The following VPS54 variants were observed in gnomAD, a reference collection of about 807,000 sequenced individuals.
VPS54 encodes VPS54 subunit of GARP complex, also known as vacuolar protein sorting-associated protein 54.
VPS54 carries 45 observed loss-of-function variants against 121.5 expected under a neutral mutation model. The ratio of observed to expected loss-of-function variants is 0.37; its 90% CI spans 0.29 to 0.47. VPS54 has a LOEUF of 0.47. VPS54 is among the 20% of genes least tolerant of loss of function. The pLI, the probability that VPS54 is intolerant of heterozygous loss-of-function variation, is 0.99. For synonymous variants in VPS54, 371 were observed against 385.8 expected (o/e 0.96, Z 0.45); for missense variants, 1,090 against 1,131.4 (o/e 0.96, Z 0.52).
intron 20 of VPS54, among the ~76,000 whole-genome samples, chr2:63,900,220 C>CA (rs70965149): frequency 0.38 from 24,049 of 63,490 alleles, 6,819 homozygotes; most frequent in African/African-American, 0.67. Flanking sequence ...AACTCTGTCT[C>CA]AAAAAAAAAA....
intron 20 of VPS54, among the ~76,000 whole-genome samples, chr2:63,903,945 G>C (rs1021198037): frequency 6.6e-6 from 1 of 152,060 alleles, no homozygotes; most frequent in Non-Finnish European, 1.5e-5. Flanking sequence ...ATGAAAGACA[G>C]TAATTGTCAG....
intron 3 of VPS54, among the ~76,000 whole-genome samples, chr2:63,974,464 A>G (rs1559032648): frequency 6.6e-6 from 1 of 152,214 alleles, no homozygotes; most frequent in East Asian, 1.9e-4. Flanking sequence ...GTCAGTTTTC[A>G]ATATCCAAGA....
At chr2:63,920,043 C>T in intron 14 of VPS54, 48 bp from the exon 15 acceptor site, 1 of 1,479,326 alleles carries the variant, frequency 6.8e-7, no homozygotes, top group South Asian at 1.2e-5. Context: ...CATTTCAATA[C>T]CATCTTCCTT....
intron 7 of VPS54, among the ~76,000 whole-genome samples, chr2:63,958,322 G>A (rs1675594347): frequency 6.6e-6 from 1 of 151,906 alleles, no homozygotes; most frequent in South Asian, 2.1e-4. Context: ...GAAGGAATGA[G>A]AAAAAAGAAG....
At chr2:63,914,013 A>C in intron 17 of VPS54, 169 bp downstream of exon 17, 1 of 1,112,018 alleles carries the variant, frequency 9.0e-7, no homozygotes, top group Non-Finnish European at 1.3e-6. Flanking sequence ...AGAAGGAAGC[A>C]GGCAGCCTGT....
In VPS54 at chr2:63,940,196, T is replaced by A. The variant is rs1674654336; in HGVS notation, c.1398+2269A>T. Among the ~76,000 whole-genome samples the A allele has an allele frequency of 2.0e-5, 3 of 152,214 alleles. No homozygotes were observed. In the South Asian group the frequency reaches 6.2e-4, roughly 32 times the overall value. ...TACCATTTCTCTATTGTTAGACATCTGGGTTCTTTCCAATTTTTAGTTATT... is the reference window on the plus strand; with the variant it reads ...TACCATTTCTCTATTGTTAGACATCAGGGTTCTTTCCAATTTTTAGTTATT... On this transcript the variant is annotated intron_variant, in intron 11 of 22. Coordinates refer to ENST00000272322, the MANE Select transcript of VPS54 (RefSeq NM_016516.3).
intron 1 of VPS54, among the ~76,000 whole-genome samples, chr2:63,991,180 GC>G (rs890487521): frequency 2.0e-5 from 3 of 152,100 alleles, no homozygotes; most frequent in African/African-American, 7.2e-5. Flanking sequence ...TAAATTATGC[GC>G]CCCAGGCCAA....
At chr2:63,899,268 C>A (rs887534826) in intron 21 of VPS54, among the ~76,000 whole-genome samples, 3 of 152,138 alleles carry the variant, frequency 2.0e-5, no homozygotes, top group Non-Finnish European at 2.9e-5. Context: ...TATAGTAAAG[C>A]TCTAGCTCTG....
intron 20 of VPS54, among the ~76,000 whole-genome samples, chr2:63,909,370 G>T (rs1477629878): frequency 2.2e-5 from 3 of 134,834 alleles, no homozygotes; most frequent in Non-Finnish European, 4.7e-5. Flanking sequence ...ATTAGATATT[G>T]TTTCATCCTA....
intron 4 of VPS54, among the ~76,000 whole-genome samples, chr2:63,970,065 T>A (rs1246481323): frequency 6.6e-6 from 1 of 151,754 alleles, no homozygotes; most frequent in African/African-American, 2.4e-5. Context: ...TTTCTGCACT[T>A]AGACTCCATT....
chr2:63,898,928 G>A (rs949987445), intron 21 of VPS54, among the ~76,000 whole-genome samples: 1 of 152,116 alleles, frequency 6.6e-6, no homozygotes, highest in African/African-American at 2.4e-5. Flanking sequence ...ATACAGTAGC[G>A]ATAGAAGGGT....
At chr2:63,994,316 C>G (rs1307166202) in intron 1 of VPS54, among the ~76,000 whole-genome samples, 1 of 152,068 alleles carries the variant, frequency 6.6e-6, no homozygotes, top group Non-Finnish European at 1.5e-5. Flanking sequence ...TAATGATTCC[C>G]CTCCTTATAC....
At chr2:64,006,249 A>G (rs962103347) in intron 1 of VPS54, among the ~76,000 whole-genome samples, 5 of 152,260 alleles carry the variant, frequency 3.3e-5, no homozygotes, top group Non-Finnish European at 7.3e-5. Flanking sequence ...AAGACACACA[A>G]GCCACTAACA....
chr2:63,971,632 T>C (rs1472589551), intron 4 of VPS54, among the ~76,000 whole-genome samples: 2 of 152,196 alleles, frequency 1.3e-5, no homozygotes, highest in Non-Finnish European at 1.5e-5. Flanking sequence ...CTGTCAACTC[T>C]AGGAATGCTT....
In VPS54 at chr2:63,919,890, T is replaced by C. The variant is rs775177433; in HGVS notation, c.2157A>G (p.Lys719=). The C allele has an allele frequency of 2.5e-6, 4 of 1,601,960 alleles. No homozygotes were observed. The part of the protein sequence containing the change: ...SDGKIALPEK[K]SGATEERKPA... ...GTGAATGAATACACATACCTCCTGA[T>C]TTTTTTTCAGGTAAAGCAATCTTCC... is the stretch of plus-strand genomic sequence containing the variant. Residue 719 remains lysine (K), a synonymous_variant, in exon 15 of 23, where the codon AAA becomes AAG. Transcript: ENST00000272322.
At chr2:63,988,990 T>A (rs1677187111) in intron 1 of VPS54, among the ~76,000 whole-genome samples, 1 of 152,154 alleles carries the variant, frequency 6.6e-6, no homozygotes, top group African/African-American at 2.4e-5. Flanking sequence ...GGGAAAAGAA[T>A]GCATTCTCGG....
chr2:63,953,507 A>G (rs1273739241), intron 7 of VPS54, among the ~76,000 whole-genome samples: 1 of 152,122 alleles, frequency 6.6e-6, no homozygotes, highest in Non-Finnish European at 1.5e-5. Context: ...AGGGTCAAAA[A>G]CCATTGTTAT....
At chr2:63,940,971 T>C (rs1040621670) in intron 11 of VPS54, among the ~76,000 whole-genome samples, 1 of 152,202 alleles carries the variant, frequency 6.6e-6, no homozygotes, top group Non-Finnish European at 1.5e-5. Flanking sequence ...TATAAAACTT[T>C]TGTGAACCTG....
intron 15 of VPS54, 96 bp from the exon 16 acceptor site, chr2:63,917,059 C>T: frequency 8.3e-7 from 1 of 1,204,076 alleles, no homozygotes; most frequent in Non-Finnish European, 1.2e-6. Context: ...AGGCCAAAAA[C>T]TCTCATTTCT....
Sources: gnomAD v4.1 joint callset for allele counts (sites outside exome capture counted in the v4.1 genomes callset) on GRCh38, gnomAD v4.1.1 for gene constraint, MANE v1.5 for transcripts, NCBI Gene and HGNC (gene_info 2026-07-23, HGNC 2026-07-21) for gene names.